MYO1D: variants seen among roughly 807,000 people sequenced by gnomAD.
MYO1D encodes unconventional myosin-Id.
MYO1D carries 83 observed loss-of-function variants against 122.0 expected under a neutral mutation model. That is an observed-to-expected ratio of 0.68 (90% CI 0.57 to 0.82). The LOEUF (loss-of-function observed/expected upper bound fraction) is 0.82. Among genes scored for constraint, MYO1D ranks in the 40% least tolerant of loss-of-function variants. The pLI, the probability that MYO1D is intolerant of heterozygous loss-of-function variation, is 0.00. For synonymous variants in MYO1D, 464 were observed against 446.9 expected, an observed-to-expected ratio of 1.04 and a Z score of -0.48; for missense variants, 1,157 against 1,269.5, an observed-to-expected ratio of 0.91 and a Z score of 1.35.
At chr17:32,596,304 T>C (rs1382829434) in intron 21 of MYO1D, among the ~76,000 whole-genome samples, 1 of 152,172 alleles carries the variant, frequency 6.6e-6, no homozygotes, top group Non-Finnish European at 1.5e-5. Context: ...GAAACGGGTA[T>C]TCAGGTTTGG....
chr17:32,576,101 G>T (rs369414829), intron 21 of MYO1D, among the ~76,000 whole-genome samples: 18 of 152,272 alleles, frequency 1.2e-4, no homozygotes, highest in African/African-American at 3.9e-4. Flanking sequence ...AGTAAAATTA[G>T]TTCACTCTTA....
intron 14 of MYO1D, among the ~76,000 whole-genome samples, chr17:32,727,204 G>A (rs947351992): frequency 3.3e-5 from 5 of 152,330 alleles, no homozygotes; most frequent in Middle Eastern, 6.8e-3. Context: ...AGCAGGTAGC[G>A]TCAGTGTCCT....
At chr17:32,776,444 T>C (rs1296011276) in intron 3 of MYO1D, among the ~76,000 whole-genome samples, 1 of 152,214 alleles carries the variant, frequency 6.6e-6, no homozygotes, top group Non-Finnish European at 1.5e-5. Context: ...CTTACTATGG[T>C]TATCTAGACA....
chr17:32,821,469 T>C (rs146135373), intron 1 of MYO1D, among the ~76,000 whole-genome samples: 11 of 152,148 alleles, frequency 7.2e-5, no homozygotes, highest in African/African-American at 2.7e-4. Flanking sequence ...ATCCTTATTG[T>C]AGAGAAATAA....
intron 11 of MYO1D, among the ~76,000 whole-genome samples, chr17:32,751,363 T>C (rs1372394705): frequency 1.3e-5 from 2 of 152,202 alleles, no homozygotes; most frequent in Non-Finnish European, 2.9e-5. Flanking sequence ...AATATTTTGA[T>C]AGTTTGATCA....
chr17:32,677,572 GATAGATAAATAT>G, intron 16 of MYO1D, among the ~76,000 whole-genome samples: 1 of 123,484 alleles, frequency 8.1e-6, no homozygotes, highest in Non-Finnish European at 1.7e-5. Flanking sequence ...GGGATATATA[GATAGATAAATAT>G]ATATATATAT....
chr17:32,512,284 G>C (rs920453448), intron 21 of MYO1D, among the ~76,000 whole-genome samples: 1 of 149,888 alleles, frequency 6.7e-6, no homozygotes, highest in Non-Finnish European at 1.5e-5. Context: ...TGGGCGACAA[G>C]AGTGAAACTC....
intron 1 of MYO1D, among the ~76,000 whole-genome samples, chr17:32,872,324 G>A (rs1236996604): frequency 6.6e-6 from 1 of 151,244 alleles, no homozygotes; most frequent in Non-Finnish European, 1.5e-5. Context: ...CCAGGCTGGA[G>A]GGCAATGGCG....
intron 5 of MYO1D, 151 bp downstream of exon 5, chr17:32,772,638 T>C: frequency 1.5e-6 from 1 of 652,436 alleles, no homozygotes; most frequent in South Asian, 1.8e-5. Flanking sequence ...GGGCAGGGCA[T>C]GTGGTGCGTG....
At chr17:32,807,594 C>A (rs2090527930) in intron 1 of MYO1D, among the ~76,000 whole-genome samples, 1 of 152,184 alleles carries the variant, frequency 6.6e-6, no homozygotes, top group South Asian at 2.1e-4. Context: ...TTAGGCAAGG[C>A]CATGCTATTA....
chr17:32,800,538 G>A (rs1176939854), intron 1 of MYO1D, among the ~76,000 whole-genome samples: 1 of 152,122 alleles, frequency 6.6e-6, no homozygotes, highest in Non-Finnish European at 1.5e-5. Flanking sequence ...GCTACCAGAG[G>A]CTGGAGACCA....
chr17:32,514,437 A>G (rs1430263794), intron 21 of MYO1D, among the ~76,000 whole-genome samples: 1 of 152,134 alleles, frequency 6.6e-6, no homozygotes, highest in Admixed American at 6.5e-5. Context: ...TATTTAAAAA[A>G]TATTTTTCAC....
chr17:32,772,650 G>A (rs772874934), intron 5 of MYO1D, 139 bp downstream of exon 5: 16 of 707,836 alleles, frequency 2.3e-5, no homozygotes, highest in South Asian at 8.1e-5. Context: ...TGGTGCGTGC[G>A]TGCGTGCGTG....
chr17:32,642,678 C>A (rs975210694), intron 19 of MYO1D, among the ~76,000 whole-genome samples: 1 of 152,074 alleles, frequency 6.6e-6, no homozygotes, highest in African/African-American at 2.4e-5. Context: ...GTATTTTATT[C>A]TCTTTGAAGC....
intron 21 of MYO1D, among the ~76,000 whole-genome samples, chr17:32,503,456 C>A (rs963787326): frequency 4.6e-5 from 7 of 152,186 alleles, no homozygotes; most frequent in Admixed American, 1.3e-4. Context: ...TGGGGGTGAT[C>A]CAGGTTCTAA....
intron 16 of MYO1D, among the ~76,000 whole-genome samples, chr17:32,704,041 G>T (rs1188723840): frequency 6.6e-6 from 1 of 152,156 alleles, no homozygotes; most frequent in Non-Finnish European, 1.5e-5. Context: ...CTCCATCCAC[G>T]TGTTTGCTGC....
chr17:32,782,385 A>T lies in MYO1D; in HGVS notation c.96-1601T>A, dbSNP rs569583388. Among the ~76,000 whole-genome samples, 20 of 152,238 alleles carry T rather than the reference A, an allele frequency of 1.3e-4. 1 individual carries two copies. The East Asian group carries it at 3.9e-3, about 29-fold the overall frequency. ...CTGGGTTTGAATGCTCACATTGCAA[A>T]CTCAATAGCAGTGATACCTTGTGAA... On this transcript the variant is annotated intron_variant, in intron 1 of 21. Transcript: ENST00000318217.
intron 21 of MYO1D, chr17:32,495,916 G>A (rs576996296): frequency 6.5e-6 from 1 of 152,704 alleles, no homozygotes; most frequent in Admixed American, 6.5e-5. Context: ...GGCGTCTGGG[G>A]CGTGGGCAGG....
chr17:32,647,000 A>G lies in MYO1D; in HGVS notation c.2595+6843T>C, dbSNP rs141743980. Among the ~76,000 whole-genome samples, 444 of 152,312 alleles carry G rather than the reference A, an allele frequency of 2.9e-3. 3 individuals are homozygous for G. Among genetic ancestry groups the G allele is most frequent in the African/African-American group, 0.01 (419 of 41,562 alleles). The stretch of plus-strand genomic sequence containing the variant: ...AGATTATAGACTCTGTATTAGATAA[A>G]CCCTCATCTTGTTTCTTCTATTATC... On this transcript the variant is annotated intron_variant, in intron 19 of 21. Transcript: ENST00000318217.
Sources: allele counts gnomAD v4.1 joint callset (sites outside exome capture counted in the v4.1 genomes callset), GRCh38; gene constraint gnomAD v4.1.1; transcripts MANE v1.5; gene names NCBI Gene and HGNC (gene_info 2026-07-23, HGNC 2026-07-21).